PSPC1: variants seen among roughly 807,000 people sequenced by gnomAD.
PSPC1 encodes the protein paraspeckle protein 1.
A neutral mutation model predicts 51.6 loss-of-function variants in PSPC1; 14 were observed. The ratio of observed to expected loss-of-function variants is 0.27; its 90% confidence interval spans 0.18 to 0.42. PSPC1 has a LOEUF of 0.42. PSPC1 is among the 10% of genes least tolerant of loss of function. The pLI is 1.00. For missense variants in PSPC1, 406 were observed against 701.1 expected (o/e 0.58, Z 4.75); for synonymous variants, 193 against 231.9 (o/e 0.83, Z 1.53).
intron 1 of PSPC1, 123 bp from the exon 2 acceptor site, chr13:19,772,666 G>A (rs1189701426): frequency 2.3e-6 from 2 of 874,874 alleles, no homozygotes; most frequent in Non-Finnish European, 3.4e-6. Flanking sequence ...ATTTGATTTT[G>A]TATCTTTTAA....
intron 8 of PSPC1, among the ~76,000 whole-genome samples, chr13:19,705,329 C>G (rs1483908767): frequency 6.6e-6 from 1 of 152,180 alleles, no homozygotes; most frequent in African/African-American, 2.4e-5. Context: ...CCTGTCTCTA[C>G]TAAAAATACA....
chr13:19,730,336 T>G lies in PSPC1; in HGVS notation c.1061A>C (p.Glu354Ala), dbSNP rs755444083. ...KRKQIQLRHE[E>A]EHRRREEEMI... The stretch of plus-strand genomic sequence containing the variant: ...TTCTTCCTCACGCCGCCGATGCTCC[T>G]CTTCATGTCTGAAAATTTTTCAAAT... The change falls in exon 6 of 9, where the codon GAG becomes GCG. Residue 354 changes from glutamate to alanine, a missense_variant. By Grantham distance (107) the Glu-to-Ala change is moderately radical (BLOSUM62 -1). Coordinates refer to ENST00000338910, the MANE Select transcript of PSPC1 (RefSeq NM_001354909.2). 137 of 1,613,928 alleles carry G rather than the reference T, an allele frequency of 8.5e-5. No individual in the cohort carries two copies. The highest frequency in any genetic ancestry group is 1.1e-4 in the Non-Finnish European group (135 of 1,179,994).
At chr13:19,764,543 G>A (rs368600404) in intron 2 of PSPC1, among the ~76,000 whole-genome samples, 16 of 152,050 alleles carry the variant, frequency 1.1e-4, no homozygotes, top group African/African-American at 3.9e-4. Flanking sequence ...CTTAAGGGCT[G>A]GGCAAGGTGG....
At chr13:19,694,908 C>T in intron 6 of PSPC1, among the ~76,000 whole-genome samples, 1 of 152,226 alleles carries the variant, frequency 6.6e-6, no homozygotes, top group Non-Finnish European at 1.5e-5. Flanking sequence ...ATTTTCTCTA[C>T]TGCCTTTATC....
intron 4 of PSPC1, among the ~76,000 whole-genome samples, chr13:19,747,281 G>A (rs1811245425): frequency 1.3e-5 from 2 of 152,022 alleles, no homozygotes; most frequent in East Asian, 1.9e-4. Flanking sequence ...AAAATATAAG[G>A]CGGATATTTA....
chr13:19,736,924 T>C (rs1884902330), intron 5 of PSPC1: 1 of 152,118 alleles, frequency 6.6e-6, no homozygotes, highest in African/African-American at 2.4e-5. Flanking sequence ...TTTAAAGAGA[T>C]AGGGTCTTCC....
At chr13:19,695,194 G>A (rs1879059582) in intron 6 of PSPC1, among the ~76,000 whole-genome samples, 1 of 152,138 alleles carries the variant, frequency 6.6e-6, no homozygotes, top group Admixed American at 6.6e-5. Context: ...TTCAAACTAT[G>A]AGATCTATAT....
downstream of PSPC1, among the ~76,000 whole-genome samples, chr13:19,700,453 A>C (rs1412301861): frequency 1.3e-5 from 2 of 152,116 alleles, no homozygotes; most frequent in East Asian, 3.8e-4. Context: ...TTTCACACAG[A>C]AAAATAAAAA....
At chr13:19,696,233 T>C (rs888379260) in intron 6 of PSPC1, among the ~76,000 whole-genome samples, 1 of 152,142 alleles carries the variant, frequency 6.6e-6, no homozygotes, top group Non-Finnish European at 1.5e-5. Context: ...CCAGGTGATA[T>C]CCGGATTACA....
chr13:19,767,279 A>C (rs191426122), intron 2 of PSPC1, among the ~76,000 whole-genome samples: 66 of 152,302 alleles, frequency 4.3e-4, no homozygotes, highest in African/African-American at 1.5e-3. Context: ...TTGTGTTGTA[A>C]AACAGCAGAT....
intron 5 of PSPC1, among the ~76,000 whole-genome samples, chr13:19,733,064 C>T (rs555636800): frequency 6.6e-6 from 1 of 152,266 alleles, no homozygotes; most frequent in South Asian, 2.1e-4. Flanking sequence ...AATGAACAAG[C>T]CTATTTCCAG....
chr13:19,713,419 A>C (rs1881686393), intron 6 of PSPC1, among the ~76,000 whole-genome samples: 1 of 152,058 alleles, frequency 6.6e-6, no homozygotes, highest in Non-Finnish European at 1.5e-5. Flanking sequence ...AGTCAAGGTC[A>C]TATGGATAGT....
intron 4 of PSPC1, among the ~76,000 whole-genome samples, chr13:19,749,309 A>G (rs1228578649): frequency 6.6e-6 from 1 of 151,932 alleles, no homozygotes; most frequent in Non-Finnish European, 1.5e-5. Context: ...GATCACACCA[A>G]TGCACTCCAG....
At chr13:19,736,947 T>A (rs1228518926) in intron 5 of PSPC1, 2 of 152,172 alleles carry the variant, frequency 1.3e-5, no homozygotes, top group African/African-American at 4.8e-5. Context: ...TGTTTTTTGT[T>A]TGTTTGCTTG....
chr13:19,692,803 A>G (rs1878724731), intron 6 of PSPC1, among the ~76,000 whole-genome samples: 2 of 151,952 alleles, frequency 1.3e-5, no homozygotes, highest in African/African-American at 4.8e-5. Flanking sequence ...GAAACAGCTG[A>G]ATTCACTATA....
At chr13:19,763,406 A>G (rs1323530943) in intron 2 of PSPC1, among the ~76,000 whole-genome samples, 1 of 152,196 alleles carries the variant, frequency 6.6e-6, no homozygotes. Flanking sequence ...CCATAATGTT[A>G]AATCTGAAGT....
At chr13:19,781,514 A>AATTT in intron 1 of PSPC1, among the ~76,000 whole-genome samples, 1 of 152,164 alleles carries the variant, frequency 6.6e-6, no homozygotes, top group South Asian at 2.1e-4. Context: ...CTGTGTATCA[A>AATTT]CTATTCTCCC....
rs548713187 is a variant in PSPC1, at chr13:19,739,469, C to A, written c.1052+2096G>T. On this transcript the variant is annotated intron_variant, in intron 5 of 8. Transcript: ENST00000338910. Reference sequence around the variant, plus strand: ...TTGTTAAAAATAGAAAAGATCTGGCCGGGCGTGGTGGCTCACACCTGTAAT... The same window carrying A: ...TTGTTAAAAATAGAAAAGATCTGGCAGGGCGTGGTGGCTCACACCTGTAAT... Among the ~76,000 whole-genome samples, 4 of 152,156 alleles carry A rather than the reference C, an allele frequency of 2.6e-5. No homozygotes were observed. In the South Asian group the frequency reaches 8.3e-4, roughly 32 times the overall value.
intron 6 of PSPC1, among the ~76,000 whole-genome samples, chr13:19,722,461 C>A (rs1882883890): frequency 6.6e-6 from 1 of 151,486 alleles, no homozygotes; most frequent in Non-Finnish European, 1.5e-5. Flanking sequence ...GATCGTGCCA[C>A]TGAACTCCAG....
Sources: gnomAD v4.1 joint callset for allele counts (sites outside exome capture counted in the v4.1 genomes callset) on GRCh38, gnomAD v4.1.1 for gene constraint, MANE v1.5 for transcripts, NCBI Gene and HGNC (gene_info 2026-07-23, HGNC 2026-07-21) for gene names.